Variants in ALKBH1 observed in about 807,000 individuals in gnomAD.
ALKBH1 encodes the protein alkB homolog 1, histone H2A dioxygenase.
Under a neutral mutation model 36.6 loss-of-function variants are expected in ALKBH1, and 31 were observed. That is an observed-to-expected ratio of 0.85 (90% confidence interval 0.64 to 1.14). The LOEUF (loss-of-function observed/expected upper bound fraction) is 1.14. Among genes scored for constraint, ALKBH1 ranks in the 50% most tolerant of loss-of-function variants. ALKBH1 has a pLI of 0.00. For missense variants in ALKBH1, 490 were observed against 497.3 expected, an observed-to-expected ratio of 0.99 and a Z score of 0.14; for synonymous variants, 183 against 186.6, an observed-to-expected ratio of 0.98 and a Z score of 0.16.
chr14:77,699,757 TATAA>T (rs2080348296), intron 2 of ALKBH1, among the ~76,000 whole-genome samples: 1 of 152,126 alleles, frequency 6.6e-6, no homozygotes. Context: ...CTCTTTGCAT[TATAA>T]ATATTAGGTT....
intron 3 of ALKBH1, chr14:77,683,634 C>T (rs544314762): frequency 1.1e-5 from 3 of 285,048 alleles, no homozygotes; most frequent in Admixed American, 9.3e-5. Flanking sequence ...TGCAGTGGTG[C>T]AATCTCGGCT....
At chr14:77,694,276 T>C (rs2139858659) in intron 3 of ALKBH1, among the ~76,000 whole-genome samples, 1 of 152,306 alleles carries the variant, frequency 6.6e-6, no homozygotes, top group East Asian at 1.9e-4. Context: ...GAATGAATGT[T>C]GAAGCATGAA....
At chr14:77,693,802 C>T (rs1163693845) in intron 3 of ALKBH1, among the ~76,000 whole-genome samples, 1 of 152,112 alleles carries the variant, frequency 6.6e-6, no homozygotes, top group Admixed American at 6.6e-5. Flanking sequence ...GCCTGGCCAA[C>T]ATGGCGAAAC....
At chr14:77,703,818 G>C (rs1312686534) in intron 2 of ALKBH1, among the ~76,000 whole-genome samples, 1 of 151,544 alleles carries the variant, frequency 6.6e-6, no homozygotes, top group Non-Finnish European at 1.5e-5. Context: ...GGCTCGTCTT[G>C]ACCTCCTGAC....
chr14:77,694,708 T>A (rs2080317322), intron 3 of ALKBH1, 30 bp downstream of exon 3: 2 of 1,547,784 alleles, frequency 1.3e-6, no homozygotes, highest in East Asian at 4.6e-5. Context: ...AGCTGAGTAT[T>A]AACACTTCAT....
intron 3 of ALKBH1, among the ~76,000 whole-genome samples, chr14:77,688,188 T>C (rs1008538476): frequency 1.3e-5 from 2 of 152,200 alleles, no homozygotes; most frequent in African/African-American, 4.8e-5. Context: ...GTAACTAAGT[T>C]CTGTAGACAA....
In ALKBH1 at chr14:77,707,951, G is replaced by T. The variant is rs759853807; in HGVS notation, c.54C>A (p.Pro18=). 9 of 1,613,104 alleles carry T rather than the reference G, an allele frequency of 5.6e-6. No homozygotes were observed. Among genetic ancestry groups the T allele is most frequent in the Non-Finnish European group, 7.6e-6 (9 of 1,179,934 alleles). The change falls in exon 1 of 6, where the codon CCC becomes CCA. Residue 18 remains proline (P), a synonymous_variant. Coordinates refer to ENST00000216489, the MANE Select transcript of ALKBH1 (RefSeq NM_006020.3). ...VGSVATLATE[P]GEDAFRKLFR... is the part of the protein sequence containing the mutation. ...AAAGTTTCCGAAAGGCGTCCTCCCC[G>T]GGCTCAGTCGCCAGAGTCGCCACAG...
intron 2 of ALKBH1, chr14:77,696,629 T>C (rs1457051359): frequency 2.0e-5 from 3 of 152,380 alleles, no homozygotes; most frequent in South Asian, 4.1e-4. Context: ...GCTCAGCTCA[T>C]TGGCTGCGAG....
chr14:77,674,947 A>C (rs13379064), intron 5 of ALKBH1, among the ~76,000 whole-genome samples: 1,580 of 152,244 alleles, frequency 0.01, 32 homozygotes, highest in African/African-American at 0.036. Flanking sequence ...AATAAAAGGC[A>C]CTTTCCCGAG....
At chr14:77,680,746 C>A (rs2080233422) in intron 3 of ALKBH1, among the ~76,000 whole-genome samples, 1 of 143,228 alleles carries the variant, frequency 7.0e-6, no homozygotes, top group Non-Finnish European at 1.5e-5. Flanking sequence ...ATGGCGCGAT[C>A]TTGGCTCACC....
At chr14:77,698,532 T>C (rs2080341376) in intron 2 of ALKBH1, among the ~76,000 whole-genome samples, 1 of 152,200 alleles carries the variant, frequency 6.6e-6, no homozygotes, top group Non-Finnish European at 1.5e-5. Context: ...ATCCAAGCAA[T>C]GATATAAAAG....
At chr14:77,700,555 T>C (rs2080353776) in intron 2 of ALKBH1, among the ~76,000 whole-genome samples, 1 of 152,126 alleles carries the variant, frequency 6.6e-6, no homozygotes, top group Admixed American at 6.6e-5. Flanking sequence ...ATTCTCCAAA[T>C]AGTTTGGGAG....
At chr14:77,685,573 T>TG (rs1465616556) in intron 3 of ALKBH1, among the ~76,000 whole-genome samples, 1 of 151,876 alleles carries the variant, frequency 6.6e-6, no homozygotes, top group Non-Finnish European at 1.5e-5. Flanking sequence ...GCTCAGAAGT[T>TG]GGAGAACCAG....
At chr14:77,679,523 T>G (rs2080225036) in intron 4 of ALKBH1, among the ~76,000 whole-genome samples, 1 of 152,118 alleles carries the variant, frequency 6.6e-6, no homozygotes, top group East Asian at 1.9e-4. Flanking sequence ...CTCCACCTCC[T>G]GGGTCCAAGT....
intron 2 of ALKBH1, among the ~76,000 whole-genome samples, chr14:77,695,614 T>C (rs2080322573): frequency 6.6e-6 from 1 of 152,192 alleles, no homozygotes; most frequent in African/African-American, 2.4e-5. Flanking sequence ...CAAGCTCTTT[T>C]GTTGTTCTTC....
intron 4 of ALKBH1, among the ~76,000 whole-genome samples, chr14:77,676,607 G>T (rs80005384): frequency 6.6e-5 from 10 of 152,282 alleles, no homozygotes; most frequent in African/African-American, 2.4e-4. Context: ...AAATCTAAAT[G>T]AAGTACAAAT....
chr14:77,675,985 A>G (rs2080203394), intron 4 of ALKBH1, 136 bp from the exon 5 acceptor site: 2 of 753,506 alleles, frequency 2.7e-6, no homozygotes, highest in South Asian at 2.0e-5. Flanking sequence ...TTATCTATCC[A>G]TTCTTTTCTT....
chr14:77,697,945 A>G (rs1414105986), intron 2 of ALKBH1, among the ~76,000 whole-genome samples: 3 of 152,070 alleles, frequency 2.0e-5, no homozygotes, highest in Non-Finnish European at 4.4e-5. Context: ...CCCAGGAGGC[A>G]CAGGTTGCAG....
rs748217380 is a variant in ALKBH1 at position 77,673,793 on chromosome 14, A to G, written c.*19T>C. On this transcript the variant is annotated 3_prime_UTR_variant, in exon 6 of 6. Coordinates refer to ENST00000216489, the MANE Select transcript of ALKBH1 (RefSeq NM_006020.3). Reference sequence around the variant, plus strand: ...ACGGTAAGCAGGTGCCTGAGTAAAAAGGATGGGATCTCCAAGTCTCAGCTG... The same window carrying G: ...ACGGTAAGCAGGTGCCTGAGTAAAAGGGATGGGATCTCCAAGTCTCAGCTG... 5 of 1,598,702 alleles carry G rather than the reference A, an allele frequency of 3.1e-6. No individual in the cohort carries two copies. Among genetic ancestry groups the G allele is most frequent in the Non-Finnish European group, 4.3e-6 (5 of 1,170,964 alleles).
Sources: allele counts gnomAD v4.1 joint callset (sites outside exome capture counted in the v4.1 genomes callset), GRCh38; gene constraint gnomAD v4.1.1; transcripts MANE v1.5; gene names NCBI Gene and HGNC (gene_info 2026-07-23, HGNC 2026-07-21).